GRIK2: variants seen among roughly 807,000 people sequenced by gnomAD.
The protein encoded by GRIK2 is glutamate ionotropic receptor kainate type subunit 2.
GRIK2 carries 32 observed loss-of-function variants against 100.3 expected under a neutral mutation model. That is an observed-to-expected ratio of 0.32 (90% CI 0.24 to 0.43). The LOEUF (loss-of-function observed/expected upper bound fraction) is 0.43. GRIK2 is among the 20% of genes least tolerant of loss of function. The pLI is 1.00. For synonymous variants in GRIK2, 417 were observed against 389.4 expected, an observed-to-expected ratio of 1.07 and a Z score of -0.83; for missense variants, 843 against 1,114.9, an observed-to-expected ratio of 0.76 and a Z score of 3.47.
intron 12 of GRIK2, among the ~76,000 whole-genome samples, chr6:101,920,715 A>G (rs953878318): frequency 1.0e-4 from 13 of 126,806 alleles, no homozygotes; most frequent in African/African-American, 3.0e-4. Flanking sequence ...AGAAATGAAT[A>G]AGAATAAATA....
chr6:101,845,761 A>G (rs1783771127), intron 10 of GRIK2, among the ~76,000 whole-genome samples: 1 of 152,128 alleles, frequency 6.6e-6, no homozygotes, highest in African/African-American at 2.4e-5. Flanking sequence ...CAGCTGCACA[A>G]TTTCACTTTC....
chr6:101,852,004 A>G (rs1027768472), intron 10 of GRIK2, among the ~76,000 whole-genome samples: 15 of 149,990 alleles, frequency 1.0e-4, no homozygotes, highest in African/African-American at 3.2e-4. Context: ...CAGTTTTTTC[A>G]TAATAGATAT....
At chr6:101,486,713 T>C (rs1772854390) in intron 2 of GRIK2, among the ~76,000 whole-genome samples, 1 of 116,826 alleles carries the variant, frequency 8.6e-6, no homozygotes, top group African/African-American at 3.7e-5. Flanking sequence ...CTCTGTTAGA[T>C]ATATAATAAT....
chr6:101,780,910 T>C (rs1275565536), intron 7 of GRIK2, among the ~76,000 whole-genome samples: 3 of 152,134 alleles, frequency 2.0e-5, no homozygotes, highest in African/African-American at 7.2e-5. Flanking sequence ...TTAAAAAGTG[T>C]TATATTGCTA....
intron 11 of GRIK2, among the ~76,000 whole-genome samples, chr6:101,888,573 T>C (rs1786823183): frequency 2.0e-5 from 3 of 152,114 alleles, no homozygotes; most frequent in African/African-American, 7.2e-5. Flanking sequence ...AAGATACTCT[T>C]TCCAAGCATT....
chr6:102,056,946 A>T (rs559750358), intron 16 of GRIK2, among the ~76,000 whole-genome samples: 1 of 152,080 alleles, frequency 6.6e-6, no homozygotes, highest in Non-Finnish European at 1.5e-5. Flanking sequence ...CAACACATTC[A>T]GGTTGTTATT....
chr6:101,977,606 T>C (rs1426569566), intron 14 of GRIK2, among the ~76,000 whole-genome samples: 2 of 152,004 alleles, frequency 1.3e-5, no homozygotes, highest in Non-Finnish European at 2.9e-5. Context: ...AGTCATTGGC[T>C]GTGAGCAGAG....
intron 7 of GRIK2, among the ~76,000 whole-genome samples, chr6:101,706,236 T>TA (rs1216142453): frequency 1.3e-5 from 2 of 151,880 alleles, no homozygotes; most frequent in East Asian, 1.9e-4. Context: ...CATGATAGTT[T>TA]AAAAAAATTA....
At chr6:101,520,189 GAA>G (rs1774813026) in intron 2 of GRIK2, among the ~76,000 whole-genome samples, 1 of 151,756 alleles carries the variant, frequency 6.6e-6, no homozygotes, top group Non-Finnish European at 1.5e-5. Context: ...AAATGGAAGA[GAA>G]ATATTTTTCA....
At chr6:101,946,980 A>T (rs367927638) in intron 14 of GRIK2, among the ~76,000 whole-genome samples, 2 of 152,150 alleles carry the variant, frequency 1.3e-5, no homozygotes, top group African/African-American at 4.8e-5. Flanking sequence ...AAGGGCTCCT[A>T]GGACCTTGAG....
intron 7 of GRIK2, among the ~76,000 whole-genome samples, chr6:101,748,200 C>T (rs992778395): frequency 6.6e-6 from 1 of 152,238 alleles, no homozygotes; most frequent in Admixed American, 6.5e-5. Context: ...TCAGAATAAG[C>T]TATTTCTTAT....
chr6:101,630,790 C>T (rs1780699554), intron 4 of GRIK2, among the ~76,000 whole-genome samples: 1 of 151,920 alleles, frequency 6.6e-6, no homozygotes. Flanking sequence ...ATAAAATAAA[C>T]ATTACTGTCT....
chr6:101,804,026 T>C (rs1458927215), intron 9 of GRIK2, among the ~76,000 whole-genome samples: 1 of 151,924 alleles, frequency 6.6e-6, no homozygotes, highest in East Asian at 1.9e-4. Context: ...GGGCTTTTCA[T>C]GTACAGTGAT....
chr6:101,683,866 T>C (rs960919266), intron 6 of GRIK2, among the ~76,000 whole-genome samples: 2 of 152,190 alleles, frequency 1.3e-5, no homozygotes, highest in African/African-American at 4.8e-5. Flanking sequence ...AACAAAATTT[T>C]ACTGATTTTT....
At position 101,398,970 on chromosome 6, in the gene GRIK2, C is replaced by T. The variant is rs41284236; in HGVS notation, c.-293-15C>T. The T allele has an allele frequency of 8.5e-4, 378 of 446,560 alleles. 2 individuals are homozygous for T. Among genetic ancestry groups the T allele is most frequent in the South Asian group, 1.8e-3 (30 of 16,652 alleles). 27.7% of individuals were successfully genotyped at this position (446,560 alleles called of 1,614,324 possible). A position where few individuals can be genotyped will look rare whatever the true frequency, so the allele number is the denominator to read the frequency against. ...TGGGTTTCCTACTGATTTCCCTCCT[C>T]CTCTGCTTTCACAGGCTCGCGCGGC... On this transcript the variant is annotated splice_polypyrimidine_tract_variant and intron_variant, in intron 1 of 16. Coordinates refer to ENST00000369134, the MANE Select transcript of GRIK2 (RefSeq NM_021956.5).
chr6:101,946,418 C>A (rs900727847), intron 14 of GRIK2, among the ~76,000 whole-genome samples: 1 of 151,806 alleles, frequency 6.6e-6, no homozygotes, highest in Non-Finnish European at 1.5e-5. Context: ...GTAGTTCCAA[C>A]TACACAGGAG....
intron 11 of GRIK2, among the ~76,000 whole-genome samples, chr6:101,881,913 G>A (rs551511957): frequency 6.6e-6 from 1 of 152,118 alleles, no homozygotes; most frequent in Admixed American, 6.6e-5. Flanking sequence ...TGTTGATAAA[G>A]ACATACCTGA....
At chr6:101,789,829 T>A (rs1779714084) in intron 7 of GRIK2, among the ~76,000 whole-genome samples, 1 of 152,254 alleles carries the variant, frequency 6.6e-6, no homozygotes, top group African/African-American at 2.4e-5. Flanking sequence ...TGATTCTTCC[T>A]ACCCATGAGC....
rs28448629 is a variant in GRIK2 at position 101,553,063 on chromosome 6, T to C, written c.116-68886T>C. ...CATTCATTTAACAGTCAAGGCCAGT[T>C]CTCTGTCAAACATTGGAAGGAAACA... is the stretch of plus-strand genomic sequence containing the variant. On this transcript the variant is annotated intron_variant, in intron 2 of 16. Transcript: ENST00000369134. Among the ~76,000 whole-genome samples, 339 of 152,312 alleles carry C rather than the reference T, an allele frequency of 2.2e-3. 2 individuals carry two copies. The highest frequency in any genetic ancestry group is 7.7e-3 in the African/African-American group (319 of 41,580).
Sources: gnomAD v4.1 joint callset for allele counts (sites outside exome capture counted in the v4.1 genomes callset) on GRCh38, gnomAD v4.1.1 for gene constraint, MANE v1.5 for transcripts, NCBI Gene and HGNC (gene_info 2026-07-23, HGNC 2026-07-21) for gene names.